The following RBFOX3 variants were observed in gnomAD, a reference collection of about 807,000 sequenced individuals.
RBFOX3 encodes RNA binding protein fox-1 homolog 3.
Under a neutral mutation model 48.7 loss-of-function variants are expected in RBFOX3, and 17 were observed. That is an observed-to-expected ratio of 0.35 (90% CI 0.24 to 0.52). The LOEUF is 0.52. RBFOX3 is among the 20% of genes least tolerant of loss of function. The probability of loss-of-function intolerance (pLI) is 0.94; values close to 1 mark genes in which losing one functional copy is unlikely to be tolerated. For synonymous variants in RBFOX3, 212 were observed against 209.5 expected (o/e 1.01, Z -0.10); for missense variants, 382 against 497.5 (o/e 0.77, Z 2.21).
At chr17:79,171,064 C>T (rs1036334370) in intron 4 of RBFOX3, among the ~76,000 whole-genome samples, 5 of 152,186 alleles carry the variant, frequency 3.3e-5, no homozygotes, top group African/African-American at 1.2e-4. Context: ...CTGAGCTGTC[C>T]ACTTCAGCAG....
At chr17:79,188,995 G>T (rs2053962752) in intron 4 of RBFOX3, among the ~76,000 whole-genome samples, 1 of 152,222 alleles carries the variant, frequency 6.6e-6, no homozygotes, top group Non-Finnish European at 1.5e-5. Context: ...TGGCAAACTG[G>T]GCCCAGAATC....
At chr17:79,336,151 C>G (rs918981880) in intron 2 of RBFOX3, among the ~76,000 whole-genome samples, 1 of 152,112 alleles carries the variant, frequency 6.6e-6, no homozygotes, top group South Asian at 2.1e-4. Context: ...CTTTGAGAGG[C>G]CAAGGTGAGT....
intron 4 of RBFOX3, among the ~76,000 whole-genome samples, chr17:79,156,640 C>T (rs1204987062): frequency 1.3e-5 from 2 of 152,240 alleles, no homozygotes; most frequent in Non-Finnish European, 2.9e-5. Flanking sequence ...TGGAACCTGG[C>T]CACACCCCCT....
chr17:79,174,891 A>G (rs2050199029), intron 4 of RBFOX3, among the ~76,000 whole-genome samples: 1 of 152,230 alleles, frequency 6.6e-6, no homozygotes, highest in Non-Finnish European at 1.5e-5. Context: ...GGGTACAGCC[A>G]CGAATCCCAG....
chr17:79,636,696 G>A, the RBFOX3 span, among the ~76,000 whole-genome samples: 1 of 150,694 alleles, frequency 6.6e-6, no homozygotes, highest in African/African-American at 2.5e-5. Flanking sequence ...AGGAATCAAA[G>A]TATGCCACTA....
At chr17:79,398,334 G>C (rs529941896) in intron 2 of RBFOX3, among the ~76,000 whole-genome samples, 107 of 152,300 alleles carry the variant, frequency 7.0e-4, no homozygotes, top group African/African-American at 2.5e-3. Context: ...CACGGTTTCA[G>C]AAAAGTGGGA....
chr17:79,158,854 T>C (rs2612782), intron 4 of RBFOX3, among the ~76,000 whole-genome samples: 100,339 of 152,078 alleles, frequency 0.66, 35,589 homozygotes, highest in Non-Finnish European at 0.79. Context: ...TCTAACTTCC[T>C]AACTGCGGCC....
chr17:79,400,333 G>A lies in RBFOX3; in HGVS notation c.-175+82121C>T, dbSNP rs543261312. On this transcript the variant is annotated intron_variant, in intron 2 of 14. Transcript: ENST00000693108. ...CTCTGGAGCCACCCGAGGGGCTCCC[G>A]GGCTTGTAGCCGAGTCTCTCCAACC... 2.6e-5 allele frequency among the ~76,000 whole-genome samples: 4 copies of A among 152,268 alleles called. No individual in the cohort carries two copies. The East Asian group carries it at 5.8e-4, about 22-fold the overall frequency.
chr17:79,650,999 C>T, the RBFOX3 span, among the ~76,000 whole-genome samples: 5 of 152,346 alleles, frequency 3.3e-5, no homozygotes, highest in East Asian at 9.6e-4. Context: ...GGCATAAACA[C>T]CCCAGCTCCG....
chr17:79,653,224 T>G, the RBFOX3 span, among the ~76,000 whole-genome samples: 141,600 of 152,198 alleles, frequency 0.93, 66,691 homozygotes, highest in Non-Finnish European at 1. Context: ...CGGCACAGGG[T>G]TGAGCAAAGA....
intron 5 of RBFOX3, among the ~76,000 whole-genome samples, chr17:79,115,203 C>T (rs2033535232): frequency 6.6e-6 from 1 of 152,214 alleles, no homozygotes; most frequent in Admixed American, 6.5e-5. Flanking sequence ...GCCCAGGCGG[C>T]TGGAGGACGG....
chr17:79,408,178 C>A (rs1048428950), intron 2 of RBFOX3, among the ~76,000 whole-genome samples: 1 of 152,116 alleles, frequency 6.6e-6, no homozygotes, highest in African/African-American at 2.4e-5. Context: ...AGGCAGGCTG[C>A]GTATCTAGCA....
intron 4 of RBFOX3, among the ~76,000 whole-genome samples, chr17:79,149,917 A>G (rs2144732065): frequency 7.2e-6 from 1 of 138,560 alleles, no homozygotes; most frequent in Middle Eastern, 3.6e-3. Flanking sequence ...AAGCAGTGAC[A>G]GTGGCTGCGC....
At chr17:79,463,592 T>A (rs1434139965) in intron 2 of RBFOX3, among the ~76,000 whole-genome samples, 3 of 90,834 alleles carry the variant, frequency 3.3e-5, no homozygotes, top group African/African-American at 1.4e-4. Context: ...CACCGCCACC[T>A]CCACCACCAT....
upstream of RBFOX3, among the ~76,000 whole-genome samples, chr17:79,612,446 C>G (rs2093976080): frequency 1.3e-5 from 2 of 152,056 alleles, no homozygotes; most frequent in Non-Finnish European, 2.9e-5. Context: ...TGGAGCTTCT[C>G]GGTAGTAGGG....
intron 4 of RBFOX3, among the ~76,000 whole-genome samples, chr17:79,170,032 G>A (rs1175418914): frequency 7.0e-6 from 1 of 141,982 alleles, no homozygotes; most frequent in Non-Finnish European, 1.5e-5. Context: ...GCAGGAAGGA[G>A]AGAAGGAAGG....
chr17:79,545,516 C>T (rs1157465893), intron 1 of RBFOX3, among the ~76,000 whole-genome samples: 1 of 152,222 alleles, frequency 6.6e-6, no homozygotes, highest in Non-Finnish European at 1.5e-5. Context: ...CCTCCAGGGG[C>T]CCAGAGGGAG....
intron 2 of RBFOX3, among the ~76,000 whole-genome samples, chr17:79,386,453 T>C (rs1388493776): frequency 2.0e-5 from 3 of 152,184 alleles, no homozygotes; most frequent in Non-Finnish European, 4.4e-5. Context: ...AGCCAGAAAG[T>C]TACTAGTCCA....
chr17:79,566,574 G>A (rs1232466436), intron 1 of RBFOX3, among the ~76,000 whole-genome samples: 2 of 152,210 alleles, frequency 1.3e-5, no homozygotes, highest in Admixed American at 6.5e-5. Context: ...TCCATGCTTT[G>A]AGGAAAGTCT....
Sources: allele counts gnomAD v4.1 joint callset (sites outside exome capture counted in the v4.1 genomes callset), GRCh38; gene constraint gnomAD v4.1.1; transcripts MANE v1.5; gene names NCBI Gene and HGNC (gene_info 2026-07-23, HGNC 2026-07-21).